Variants in TRPS1 observed in about 807,000 individuals in gnomAD.
TRPS1 encodes zinc finger transcription factor Trps1.
A neutral mutation model predicts 101.2 loss-of-function variants in TRPS1; 6 were observed. The observed-to-expected ratio is 0.06, with a 90% CI of 0.03 to 0.12. The LOEUF is 0.12. Among genes scored for constraint, TRPS1 ranks in the 10% least tolerant of loss-of-function variants. The pLI, the probability that TRPS1 is intolerant of heterozygous loss-of-function variation, is 1.00. For synonymous variants in TRPS1, 578 were observed against 589.8 expected (o/e 0.98, Z 0.29); for missense variants, 1,363 against 1,567.0 (o/e 0.87, Z 2.20).
intron 1 of TRPS1, among the ~76,000 whole-genome samples, chr8:115,630,873 T>G (rs1310196166): frequency 6.6e-6 from 1 of 152,066 alleles, no homozygotes; most frequent in African/African-American, 2.4e-5. Flanking sequence ...TCATAATCAC[T>G]TTAACAACAG....
chr8:115,493,860 A>G (rs1815088621), intron 5 of TRPS1, among the ~76,000 whole-genome samples: 1 of 152,232 alleles, frequency 6.6e-6, no homozygotes, highest in South Asian at 2.1e-4. Context: ...AGATGCGTAC[A>G]TTAGTTTTCA....
chr8:115,507,921 A>G (rs1815487425), intron 5 of TRPS1, among the ~76,000 whole-genome samples: 1 of 152,138 alleles, frequency 6.6e-6, no homozygotes, highest in East Asian at 1.9e-4. Flanking sequence ...TGGTGTGCAG[A>G]GAAGAGCTAA....
intron 5 of TRPS1, chr8:115,515,262 T>G: frequency 1.4e-6 from 1 of 697,946 alleles, no homozygotes; most frequent in South Asian, 1.5e-5. Flanking sequence ...TCTTCGGGAG[T>G]CATCCAAGCA....
At chr8:115,500,534 A>G (rs1815290060) in intron 5 of TRPS1, among the ~76,000 whole-genome samples, 1 of 152,204 alleles carries the variant, frequency 6.6e-6, no homozygotes, top group African/African-American at 2.4e-5. Flanking sequence ...TTCTAAAGAC[A>G]TAGAAACAAT....
At chr8:115,595,499 T>C (rs1817766003) in intron 4 of TRPS1, among the ~76,000 whole-genome samples, 2 of 151,906 alleles carry the variant, frequency 1.3e-5, no homozygotes, top group South Asian at 4.1e-4. Context: ...TAAGTTGAAA[T>C]AATCTGATTA....
chr8:115,561,596 C>T (rs3779880), intron 5 of TRPS1, among the ~76,000 whole-genome samples: 41 of 152,036 alleles, frequency 2.7e-4, no homozygotes, highest in African/African-American at 9.4e-4. Context: ...ATTTTACCCT[C>T]GGTAACCTTT....
chr8:115,594,932 G>A (rs1304201945), intron 4 of TRPS1, among the ~76,000 whole-genome samples: 53 of 151,394 alleles, frequency 3.5e-4, no homozygotes, highest in Non-Finnish European at 1.6e-4. Context: ...GTCATCACTT[G>A]AAGAGCTCTT....
intron 5 of TRPS1, among the ~76,000 whole-genome samples, chr8:115,530,152 T>C (rs1816095885): frequency 6.6e-6 from 1 of 152,158 alleles, no homozygotes. Flanking sequence ...TCATTATTCT[T>C]TGAAGGCCTG....
chr8:115,428,200 T>TG, intron 5 of TRPS1, among the ~76,000 whole-genome samples: 1 of 152,204 alleles, frequency 6.6e-6, no homozygotes, highest in African/African-American at 2.4e-5. Flanking sequence ...GATAAATTAC[T>TG]GGCAGTTCTG....
At chr8:115,441,890 A>AGTGT (rs1368942740) in intron 5 of TRPS1, among the ~76,000 whole-genome samples, 319 of 137,542 alleles carry the variant, frequency 2.3e-3, no homozygotes, top group Non-Finnish European at 4.2e-3. Context: ...AGAGAGAGAG[A>AGTGT]GAGAGAGAGT....
chr8:115,553,610 G>A (rs1189337427), intron 5 of TRPS1, among the ~76,000 whole-genome samples: 1 of 152,022 alleles, frequency 6.6e-6, no homozygotes, highest in Non-Finnish European at 1.5e-5. Context: ...TAAGTAAGTA[G>A]TCATAAGTAA....
chr8:115,563,867 T>C (rs2130375942), intron 5 of TRPS1, among the ~76,000 whole-genome samples: 1 of 152,246 alleles, frequency 6.6e-6, no homozygotes, highest in South Asian at 2.1e-4. Flanking sequence ...TATTTAACAT[T>C]GCCAGAGGTA....
chr8:115,651,079 C>T (rs912121780), intron 1 of TRPS1, among the ~76,000 whole-genome samples: 4 of 152,156 alleles, frequency 2.6e-5, no homozygotes, highest in Admixed American at 2.6e-4. Context: ...TGACTCATGA[C>T]CTTAGAGCCT....
chr8:115,658,459 C>G lies in TRPS1; in HGVS notation c.-122+10086G>C, dbSNP rs1002216827. 5.3e-5 allele frequency among the ~76,000 whole-genome samples: 8 copies of G among 152,116 alleles called. No individual in the cohort carries two copies. The East Asian group carries it at 1.4e-3, about 26-fold the overall frequency. ...ATGTTATCATGGATTATACAGTATC[C>G]TAGTCCCCCTTCTGTTCAGATATAT... is the stretch of plus-strand genomic sequence containing the variant. On this transcript the variant is annotated intron_variant, in intron 1 of 6. Coordinates refer to ENST00000395715, the MANE Select transcript of TRPS1 (RefSeq NM_014112.5).
intron 5 of TRPS1, among the ~76,000 whole-genome samples, chr8:115,517,819 G>A (rs1815753965): frequency 6.6e-6 from 1 of 151,722 alleles, no homozygotes; most frequent in South Asian, 2.1e-4. Context: ...CTGTGCTCTT[G>A]ATCATGACAA....
In TRPS1 at chr8:115,411,132, AAAATT is replaced by A. The variant is rs1586246058; in HGVS notation, c.*2886_*2890del. 1.3e-5 allele frequency: 2 copies of A among 152,336 alleles called. No individual in the cohort carries two copies. Among genetic ancestry groups the A allele is most frequent in the East Asian group, 3.9e-4 (2 of 5,176 alleles). 9.4% of individuals were successfully genotyped at this position (152,336 alleles called of 1,614,324 possible). ...AATAATGAAAGCAAAAAATGAAAAT[AAAATT>A]ATCAATAATAAAGAAGTATGGAATA... is the stretch of plus-strand genomic sequence containing the variant. On this transcript the variant is annotated 3_prime_UTR_variant, in exon 7 of 7. Transcript: ENST00000395715.
At chr8:115,615,590 C>A (rs919056406) in intron 3 of TRPS1, among the ~76,000 whole-genome samples, 4 of 152,110 alleles carry the variant, frequency 2.6e-5, no homozygotes, top group African/African-American at 4.8e-5. Context: ...GAAACCCCGT[C>A]TCTACTAAAA....
chr8:115,598,081 C>G (rs1429631593), intron 4 of TRPS1, among the ~76,000 whole-genome samples: 1 of 152,210 alleles, frequency 6.6e-6, no homozygotes, highest in Non-Finnish European at 1.5e-5. Context: ...ATGTCTAACA[C>G]TTCCCACATA....
chr8:115,465,642 G>C (rs1426762733), intron 5 of TRPS1, among the ~76,000 whole-genome samples: 1 of 152,100 alleles, frequency 6.6e-6, no homozygotes, highest in Non-Finnish European at 1.5e-5. Flanking sequence ...GAACACTTGA[G>C]AAGGAACTGA....
Sources: gnomAD v4.1 joint callset for allele counts (sites outside exome capture counted in the v4.1 genomes callset) on GRCh38, gnomAD v4.1.1 for gene constraint, MANE v1.5 for transcripts, NCBI Gene and HGNC (gene_info 2026-07-23, HGNC 2026-07-21) for gene names.